The following ECT2 variants were observed in gnomAD, a reference collection of about 807,000 sequenced individuals.
The protein encoded by ECT2 is epithelial cell transforming 2.
A neutral mutation model predicts 116.9 loss-of-function variants in ECT2; 61 were observed. The ratio of observed to expected loss-of-function variants is 0.52; its 90% CI spans 0.42 to 0.65. The LOEUF (loss-of-function observed/expected upper bound fraction) is 0.65. Ranked by LOEUF, ECT2 falls within the 30% of genes least tolerant of loss-of-function variation. The pLI, the probability that ECT2 is intolerant of heterozygous loss-of-function variation, is 0.00. For missense variants in ECT2, 937 were observed against 1,078.7 expected, an observed-to-expected ratio of 0.87 and a Z score of 1.84; for synonymous variants, 358 against 346.4, an observed-to-expected ratio of 1.03 and a Z score of -0.37.
chr3:172,823,418 T>TA (rs560256643), downstream of ECT2, among the ~76,000 whole-genome samples: 165 of 152,288 alleles, frequency 1.1e-3, no homozygotes, highest in African/African-American at 3.7e-3. Flanking sequence ...TACACTAACC[T>TA]ACCATTTTTA....
rs139113546 is a variant in ECT2, at chr3:172,773,254, A to G, written c.1429-649A>G. 2.7e-3 allele frequency among the ~76,000 whole-genome samples: 407 copies of G among 152,052 alleles called. 2 individuals carry two copies. The highest frequency in any genetic ancestry group is 9.2e-3 in the African/African-American group (383 of 41,504). The stretch of plus-strand genomic sequence containing the variant: ...CATCATGAACATATATTTATACTTA[A>G]GTATTTTATTTTTTTATTGTGATAC... On this transcript the variant is annotated intron_variant, in intron 13 of 24. Transcript: ENST00000392692.
In ECT2 at chr3:172,762,967, G is replaced by A; in HGVS notation, c.1063G>A (p.Glu355Lys). Residue 355 changes from glutamate to lysine, a missense_variant, in exon 11 of 25, where the codon GAA becomes AAA. Coordinates refer to ENST00000392692, the MANE Select transcript of ECT2 (RefSeq NM_001258315.2). ...ARAGETMYLY[E>K]KANTPELKKS... ...AGCTGGAGAAACTATGTATTTATAT[G>A]AAAAGGTATGCTTTTAACCCCTTAC... is the stretch of plus-strand genomic sequence containing the variant. 3.7e-6 allele frequency: 6 copies of A among 1,613,724 alleles called. No individual in the cohort carries two copies. Among genetic ancestry groups the A allele is most frequent in the Non-Finnish European group, 4.2e-6 (5 of 1,179,742 alleles).
At chr3:172,755,431 GTAAA>G (rs1290815595) in intron 3 of ECT2, 48 bp from the exon 4 acceptor site, 27 of 1,540,320 alleles carry the variant, frequency 1.8e-5, no homozygotes, top group Non-Finnish European at 2.2e-5. Context: ...CCATCAGTGT[GTAAA>G]TAGTTTCATA....
intron 14 of ECT2, among the ~76,000 whole-genome samples, chr3:172,778,586 A>ATTT (rs1722156663): frequency 1.7e-5 from 2 of 117,354 alleles, no homozygotes; most frequent in African/African-American, 6.5e-5. Context: ...GCTATTAGCT[A>ATTT]TCTTTTTTTT....
chr3:172,782,710 C>T (rs1290869329), intron 15 of ECT2, among the ~76,000 whole-genome samples: 1 of 152,116 alleles, frequency 6.6e-6, no homozygotes, highest in Admixed American at 6.6e-5. Flanking sequence ...TTCCAGTAGG[C>T]CCCAGGTATG....
chr3:172,806,728 C>G (rs1041481227), intron 21 of ECT2, among the ~76,000 whole-genome samples: 2 of 137,288 alleles, frequency 1.5e-5, no homozygotes, highest in Non-Finnish European at 3.0e-5. Context: ...ACTTGGTTCA[C>G]TGCAGCTCCC....
chr3:172,829,061 T>C, the ECT2 span: 6 of 720,440 alleles, frequency 8.3e-6, no homozygotes, highest in East Asian at 2.7e-5. Flanking sequence ...GAAGGCTGTT[T>C]AGATGAACTC....
At chr3:172,779,245 T>C (rs1051937699) in intron 14 of ECT2, among the ~76,000 whole-genome samples, 1 of 152,232 alleles carries the variant, frequency 6.6e-6, no homozygotes, top group Admixed American at 6.5e-5. Flanking sequence ...ATTCACTGCA[T>C]TATATTGCCC....
Position 172,820,206 on chromosome 3 carries a change from C to A in ECT2, c.2714C>A (p.Thr905Lys), listed in dbSNP as rs757942930. Residue 905 changes from threonine to lysine, a missense_variant, in exon 25 of 25, where the codon ACG (threonine) becomes AAG (lysine). Physicochemically the swap from Thr to Lys is moderately conservative, Grantham distance 78 (BLOSUM62 -1). Transcript: ENST00000392692. ...LPSFFERRSH[T>K]LSRSTTHLI ...TCCTTCTTTGAAAGGAGAAGTCATA[C>A]GTTAAGTAGATCTACAACTCATTTG... The A allele has an allele frequency of 1.9e-6, 3 of 1,609,946 alleles. No homozygotes were observed. Among genetic ancestry groups the A allele is most frequent in the African/African-American group, 1.3e-5 (1 of 74,828 alleles).
intron 18 of ECT2, among the ~76,000 whole-genome samples, chr3:172,788,236 A>G (rs1723959880): frequency 6.6e-6 from 1 of 152,252 alleles, no homozygotes; most frequent in South Asian, 2.1e-4. Flanking sequence ...ATAATGACAC[A>G]GCACCAGTTC....
intron 17 of ECT2, among the ~76,000 whole-genome samples, chr3:172,785,507 T>C (rs1723452980): frequency 6.7e-6 from 1 of 148,620 alleles, no homozygotes; most frequent in African/African-American, 2.5e-5. Flanking sequence ...ACCCTGTCTC[T>C]AAAAATAATT....
the ECT2 span, among the ~76,000 whole-genome samples, chr3:172,827,732 T>G: frequency 6.6e-6 from 1 of 152,196 alleles, no homozygotes; most frequent in Non-Finnish European, 1.5e-5. Flanking sequence ...AGGTTGACTA[T>G]AGGTAACAAT....
Position 172,783,717 on chromosome 3 carries a change from CT to C in ECT2, c.1618-81del, listed in dbSNP as rs199753899. On this transcript the variant is annotated intron_variant, in intron 15 of 24. Transcript: ENST00000392692. Reference sequence around the variant, plus strand: ...CATCCACTATGTCAGATTGTGACTACTAATTATTTGACTTTAAGTTACATTG... The same window carrying C: ...CATCCACTATGTCAGATTGTGACTACAATTATTTGACTTTAAGTTACATTG... 4,832 of 871,392 alleles carry C rather than the reference CT, an allele frequency of 5.5e-3. 159 individuals are homozygous for C. In the African/African-American group the frequency reaches 0.07, roughly 13 times the overall value. The allele number at this position is 871,392 out of a possible 1,614,324, so 54.0% of individuals were successfully genotyped here.
At chr3:172,786,452 C>A in intron 17 of ECT2, 41 bp from the exon 18 acceptor site, 1 of 1,352,492 alleles carries the variant, frequency 7.4e-7, no homozygotes, top group Non-Finnish European at 1.0e-6. Context: ...TGAGAAATCA[C>A]TGAATTTTTT....
At chr3:172,775,952 G>A (rs1267882255) in intron 14 of ECT2, among the ~76,000 whole-genome samples, 1 of 152,084 alleles carries the variant, frequency 6.6e-6, no homozygotes, top group Admixed American at 6.5e-5. Flanking sequence ...TTATCTTGGT[G>A]TTTTGCCGCT....
chr3:172,827,718 C>A, the ECT2 span, among the ~76,000 whole-genome samples: 2 of 152,108 alleles, frequency 1.3e-5, no homozygotes, highest in Non-Finnish European at 2.9e-5. Context: ...TTCAGCAGCA[C>A]AATAGGTTGA....
rs1369267130 is a variant in ECT2, at chr3:172,820,319, T to C, written c.*82T>C. ...AAACTGACTTAAATGGTACTTGTAA[T>C]TAGCACTTGGTGAAAGCTGGAAGGA... On this transcript the variant is annotated 3_prime_UTR_variant, in exon 25 of 25. Transcript: ENST00000392692. 14 of 931,778 alleles carry C rather than the reference T, an allele frequency of 1.5e-5. No homozygotes were observed. The highest frequency in any genetic ancestry group is 2.2e-5 in the Non-Finnish European group (14 of 643,000). The allele number at this position is 931,778 out of a possible 1,614,324, so 57.7% of individuals were successfully genotyped here.
At chr3:172,756,216 T>C (rs1395458086) in intron 4 of ECT2, among the ~76,000 whole-genome samples, 2 of 152,204 alleles carry the variant, frequency 1.3e-5, no homozygotes, top group Non-Finnish European at 2.9e-5. Context: ...ACATGAATTT[T>C]GGGGGTACAT....
chr3:172,797,885 T>A (rs1436208155), intron 18 of ECT2, among the ~76,000 whole-genome samples: 1 of 152,222 alleles, frequency 6.6e-6, no homozygotes, highest in Non-Finnish European at 1.5e-5. Context: ...AGCTCTGTAT[T>A]CCTTCTAAAG....
Sources: allele counts gnomAD v4.1 joint callset (sites outside exome capture counted in the v4.1 genomes callset), GRCh38; gene constraint gnomAD v4.1.1; transcripts MANE v1.5; gene names NCBI Gene and HGNC (gene_info 2026-07-23, HGNC 2026-07-21).